Variants in AK8 observed in about 807,000 individuals in gnomAD.
AK8 encodes adenylate kinase 8, also known as ATP-AMP transphosphorylase 8.
In AK8, 44 loss-of-function variants were observed where a neutral mutation model predicts 54.6. That is an observed-to-expected ratio of 0.81 (90% confidence interval 0.63 to 1.04). The LOEUF is 1.04. AK8 is among the 50% of genes least tolerant of loss of function. AK8 has a pLI of 0.00. For missense variants in AK8, 555 were observed against 613.6 expected (o/e 0.90, Z 1.01); for synonymous variants, 239 against 245.6 (o/e 0.97, Z 0.25).
At chr9:132,736,158 C>T (rs1380871618) in intron 11 of AK8, among the ~76,000 whole-genome samples, 1 of 150,594 alleles carries the variant, frequency 6.6e-6, no homozygotes, top group Non-Finnish European at 1.5e-5. Context: ...CAGTGCATGA[C>T]TGTACATACG....
Position 132,727,467 on chromosome 9 carries a change from C to T in AK8, c.1189G>A (p.Val397Ile). 1 of 1,614,116 alleles carries T rather than the reference C, an allele frequency of 6.2e-7. No homozygotes were observed. ...ERLTLRRIDPVTGERYHLMYK... is the reference protein window; with the variant it reads ...ERLTLRRIDPITGERYHLMYK... ...CACAGCACAAACCTTTCCCCAGTGA[C>T]TGGATCAATTCTTCTCAGAGTCAGC... The change falls in exon 12 of 13, where the codon GTC becomes ATC. Residue 397 changes from valine (V) to isoleucine (I), a missense_variant. Coordinates refer to ENST00000298545, the MANE Select transcript of AK8 (RefSeq NM_152572.3).
intron 3 of AK8, among the ~76,000 whole-genome samples, chr9:132,866,693 T>C (rs773272309): frequency 2.6e-5 from 4 of 152,200 alleles, no homozygotes; most frequent in Non-Finnish European, 5.9e-5. Flanking sequence ...GGAATGCTCA[T>C]CTCTGGATGG....
chr9:132,827,342 C>T (rs1306468630), intron 7 of AK8: 1 of 479,870 alleles, frequency 2.1e-6, no homozygotes, highest in Non-Finnish European at 3.8e-6. Context: ...CCTGCAGACT[C>T]CCATTTCATC....
intron 2 of AK8, among the ~76,000 whole-genome samples, chr9:132,870,227 C>A (rs1489992866): frequency 1.3e-5 from 2 of 152,196 alleles, no homozygotes; most frequent in Non-Finnish European, 2.9e-5. Flanking sequence ...CGGCCTTTCT[C>A]CCCACCTAAT....
At chr9:132,783,294 C>A (rs1170916719) in intron 11 of AK8, among the ~76,000 whole-genome samples, 2 of 152,116 alleles carry the variant, frequency 1.3e-5, no homozygotes, top group Non-Finnish European at 2.9e-5. Flanking sequence ...GTGGAAGAGG[C>A]AAGGAAACGG....
At chr9:132,742,848 C>T (rs1436915834) in intron 11 of AK8, among the ~76,000 whole-genome samples, 3 of 152,170 alleles carry the variant, frequency 2.0e-5, no homozygotes, top group East Asian at 1.9e-4. Context: ...GCTTGAGAGG[C>T]GGGGGTGTCA....
chr9:132,730,214 T>G (rs1403979327), intron 11 of AK8, among the ~76,000 whole-genome samples: 2 of 152,200 alleles, frequency 1.3e-5, no homozygotes, highest in Non-Finnish European at 2.9e-5. Flanking sequence ...CTTGGAATTC[T>G]CCAGATGTGT....
chr9:132,760,828 A>G (rs1353590003), intron 11 of AK8, among the ~76,000 whole-genome samples: 1 of 152,118 alleles, frequency 6.6e-6, no homozygotes, highest in Non-Finnish European at 1.5e-5. Context: ...CTATTGAAAT[A>G]GCTATATCTC....
intron 11 of AK8, among the ~76,000 whole-genome samples, chr9:132,779,042 T>C (rs1040315843): frequency 6.6e-6 from 1 of 152,090 alleles, no homozygotes; most frequent in African/African-American, 2.4e-5. Flanking sequence ...TCCAAGCCAA[T>C]GAGTGTCTTT....
chr9:132,834,858 T>C (rs1211617967), intron 5 of AK8, among the ~76,000 whole-genome samples: 3 of 143,912 alleles, frequency 2.1e-5, no homozygotes, highest in African/African-American at 7.5e-5. Flanking sequence ...ATGCAGGCAT[T>C]CAAGAGGTGC....
At chr9:132,771,597 A>G (rs1350089884) in intron 11 of AK8, among the ~76,000 whole-genome samples, 1 of 152,202 alleles carries the variant, frequency 6.6e-6, no homozygotes, top group Non-Finnish European at 1.5e-5. Flanking sequence ...GGCAGAATGA[A>G]GGTAAGCTGG....
Position 132,823,353 on chromosome 9 carries a change from T to G in AK8, c.758-17A>C, listed in dbSNP as rs200759750. On this transcript the variant is annotated splice_polypyrimidine_tract_variant and intron_variant, in intron 8 of 12. Transcript: ENST00000298545. ...AGGTCAGAGCTGGAAAGAGAGGATA[T>G]GAGGATAATAAACCCAGGTCCTAGA... The G allele has an allele frequency of 1.8e-4, 284 of 1,613,456 alleles. 1 individual carries two copies. The African/African-American group carries it at 3.5e-3, about 20-fold the overall frequency.
At chr9:132,855,345 C>T (rs146695544) in intron 4 of AK8, among the ~76,000 whole-genome samples, 31 of 152,280 alleles carry the variant, frequency 2.0e-4, no homozygotes, top group East Asian at 5.8e-4. Flanking sequence ...GGACTGCCCA[C>T]GTGGCTGTGT....
chr9:132,750,795 A>G (rs1837885164), intron 11 of AK8, among the ~76,000 whole-genome samples: 1 of 151,960 alleles, frequency 6.6e-6, no homozygotes, highest in African/African-American at 2.4e-5. Context: ...ACCAATGGAA[A>G]TTAGGTACAA....
chr9:132,736,569 G>T (rs1837127020), intron 11 of AK8, among the ~76,000 whole-genome samples: 2 of 151,064 alleles, frequency 1.3e-5, no homozygotes, highest in South Asian at 4.2e-4. Context: ...AGGCCGAGGT[G>T]GGCGGATCAC....
At chr9:132,820,144 G>GAAAAAAAA (rs35984099) in intron 9 of AK8, among the ~76,000 whole-genome samples, 1 of 72,722 alleles carries the variant, frequency 1.4e-5, no homozygotes, top group Non-Finnish European at 2.6e-5. Flanking sequence ...AGTAAGACCC[G>GAAAAAAAA]AAAAAAAAAA....
At chr9:132,736,186 CTT>C (rs34977784) in intron 11 of AK8, among the ~76,000 whole-genome samples, 8 of 135,344 alleles carry the variant, frequency 5.9e-5, no homozygotes, top group East Asian at 2.2e-4. Context: ...ACTATTCAGT[CTT>C]TTTTTTTTTT....
intron 5 of AK8, among the ~76,000 whole-genome samples, chr9:132,843,074 C>G (rs1180294674): frequency 6.6e-6 from 1 of 152,182 alleles, no homozygotes; most frequent in Non-Finnish European, 1.5e-5. Context: ...TAGGCATGGA[C>G]ACAAGGGGGT....
In AK8 at chr9:132,826,707, A is replaced by G; in HGVS notation, c.757+147T>C. The G allele has an allele frequency of 2.2e-6, 2 of 896,612 alleles. No homozygotes were observed. The highest frequency in any genetic ancestry group is 2.6e-5 in the East Asian group (1 of 38,188). The allele number at this position is 896,612 out of a possible 1,614,324, so 55.5% of individuals were successfully genotyped here. ...GCACACATGCATTTCTGGGCAGGGA[A>G]CCCGGGTCATCTATGTCTTGACTTC... On this transcript the variant is annotated intron_variant, in intron 8 of 12. Coordinates refer to ENST00000298545, the MANE Select transcript of AK8 (RefSeq NM_152572.3). The surrounding 1 kb of genome is among the most constrained non-coding windows in gnomAD (Gnocchi z 4.5).
Sources: allele counts gnomAD v4.1 joint callset (sites outside exome capture counted in the v4.1 genomes callset), GRCh38; gene constraint gnomAD v4.1.1; non-coding constraint Gnocchi (gnomAD v3.1); transcripts MANE v1.5; gene names NCBI Gene and HGNC (gene_info 2026-07-23, HGNC 2026-07-21).